Variants in ZNF57 observed in about 807,000 individuals in gnomAD.
ZNF57 encodes zinc finger protein 424.
Under a neutral mutation model 13.4 loss-of-function variants are expected in ZNF57, and 11 were observed. The observed-to-expected ratio is 0.82, with a 90% CI of 0.52 to 1.36. ZNF57 has a LOEUF of 1.36. ZNF57 is among the 40% of genes most tolerant of loss of function. The probability of loss-of-function intolerance (pLI) is 0.00; values close to 1 mark genes in which losing one functional copy is unlikely to be tolerated. For missense variants in ZNF57, 696 were observed against 667.5 expected (o/e 1.04, Z -0.47); for synonymous variants, 224 against 238.5 (o/e 0.94, Z 0.56).
At chr19:2,908,530 G>A (rs966707597) in intron 1 of ZNF57, among the ~76,000 whole-genome samples, 1 of 135,928 alleles carries the variant, frequency 7.4e-6, no homozygotes, top group Non-Finnish European at 1.5e-5. Context: ...GCGCGCACTC[G>A]AAGCTCCGCC....
intron 1 of ZNF57, among the ~76,000 whole-genome samples, chr19:2,901,319 A>AGGG (rs2088028012): frequency 2.7e-5 from 1 of 37,312 alleles, no homozygotes; most frequent in African/African-American, 1.2e-4. Flanking sequence ...GGGGGACGGT[A>AGGG]GGGGCGGTCA....
rs764992176 is a variant in ZNF57, at chr19:2,917,240, CA to C, written c.620del (p.His207LeufsTer9). 9 of 1,614,230 alleles carry C rather than the reference CA, an allele frequency of 5.6e-6. No individual in the cohort carries two copies. Among genetic ancestry groups the C allele is most frequent in the South Asian group, 3.3e-5 (3 of 91,086 alleles). On this transcript the variant is annotated frameshift_variant, in exon 4 of 4. Coordinates refer to ENST00000306908, the MANE Select transcript of ZNF57 (RefSeq NM_173480.3). LOFTEE classifies it low-confidence loss of function (END_TRUNC). ...KCQACGQTFQ[H>X]PRYLSHHVKT... The stretch of plus-strand genomic sequence containing the variant: ...TCAAGCATGTGGGCAAACTTTCCAA[CA>C]TCCTCGTTACCTCTCCCACCACGTA...
intron 1 of ZNF57, among the ~76,000 whole-genome samples, chr19:2,909,282 T>TTTTA (rs1568180645): frequency 2.3e-5 from 1 of 44,294 alleles, no homozygotes; most frequent in African/African-American, 7.0e-5. Flanking sequence ...TTTATTTTTG[T>TTTTA]TTTTTTTTTT....
intron 1 of ZNF57, among the ~76,000 whole-genome samples, chr19:2,905,761 T>A (rs1257482970): frequency 5.1e-5 from 3 of 58,970 alleles, no homozygotes; most frequent in African/African-American, 1.4e-4. Context: ...CAAGACTCTG[T>A]CTCAAAAAAA....
intron 1 of ZNF57, among the ~76,000 whole-genome samples, chr19:2,903,065 G>C (rs1178516254): frequency 1.3e-5 from 2 of 152,220 alleles, no homozygotes; most frequent in African/African-American, 4.8e-5. Context: ...TCGTAGAACA[G>C]CCGCAGCGGG....
In ZNF57 at chr19:2,911,995, T is replaced by C. The variant is rs534140711; in HGVS notation, c.4-3527T>C. On this transcript the variant is annotated intron_variant, in intron 1 of 3. Transcript: ENST00000306908. ...TCTTCAAGCTCTGTCTTTTGCCTTTTAGTATGCCTTGTCATTTCTTTCTGG... is the reference window on the plus strand; with the variant it reads ...TCTTCAAGCTCTGTCTTTTGCCTTTCAGTATGCCTTGTCATTTCTTTCTGG... The C allele has an allele frequency of 1.2e-4, 19 of 152,390 alleles. No individual in the cohort carries two copies. The East Asian group carries it at 3.5e-3, about 28-fold the overall frequency. The allele number at this position is 152,390 out of a possible 1,614,324, so 9.4% of individuals were successfully genotyped here. A position where few individuals can be genotyped will look rare whatever the true frequency, so the allele number is the denominator to read the frequency against.
intron 1 of ZNF57, among the ~76,000 whole-genome samples, chr19:2,909,145 G>T (rs991001356): frequency 1.3e-5 from 2 of 151,956 alleles, no homozygotes; most frequent in African/African-American, 4.8e-5. Flanking sequence ...GAATAGTGCT[G>T]CTGTGAACAT....
In ZNF57 at chr19:2,916,189, C is replaced by T. The variant is rs772993675; in HGVS notation, c.242C>T (p.Ala81Val). 6.2e-7 allele frequency: 1 copy of T among 1,613,772 alleles called. No homozygotes were observed. Among genetic ancestry groups the T allele is most frequent in the Non-Finnish European group, 8.5e-7 (1 of 1,179,916 alleles). ...IPNFTGNNSCAYTLEKNCEGY... is the reference protein window; with the variant it reads ...IPNFTGNNSCVYTLEKNCEGY... ...AACTTCACAGGAAATAATTCCTGTG[C>T]CTACACTTTAGAAAAAAATTGTGAA... Residue 81 changes from alanine (A) to valine (V), a missense_variant, in exon 3 of 4, where the codon GCC (alanine) becomes GTC (valine). Around this residue, in one of 3 missense-constraint regions of ZNF57, gnomAD observed 645 missense variants for 591.5 expected, o/e 1.09. Coordinates refer to ENST00000306908, the MANE Select transcript of ZNF57 (RefSeq NM_173480.3).
intron 3 of ZNF57, chr19:2,916,567 A>T: frequency 4.2e-6 from 1 of 239,270 alleles, no homozygotes; most frequent in East Asian, 9.1e-5. Context: ...CAAAAAAAAA[A>T]TAGCCGAGCG....
chr19:2,913,751 G>C (rs62125396), intron 1 of ZNF57, among the ~76,000 whole-genome samples: 6,959 of 151,598 alleles, frequency 0.046, 315 homozygotes, highest in African/African-American at 0.12. Flanking sequence ...AGCAGTTCTC[G>C]TGCCTCACCC....
intron 1 of ZNF57, among the ~76,000 whole-genome samples, chr19:2,902,676 T>C (rs1004682002): frequency 3.9e-5 from 6 of 152,196 alleles, no homozygotes; most frequent in African/African-American, 1.4e-4. Context: ...ATGAGATTAA[T>C]GCAAATTCTG....
rs776397346 is a variant in ZNF57 at position 2,917,137 on chromosome 19, A to T, written c.516A>T (p.Glu172Asp). 1.2e-6 allele frequency: 2 copies of T among 1,613,932 alleles called. No homozygotes were observed. ...HCGRKAPPGE[E>D]CKQACICPSH... ...GACGAAAAGCACCTCCAGGTGAGGA[A>T]TGTAAGCAGGCCTGCATTTGTCCCT... The change falls in exon 4 of 4, where the codon GAA becomes GAT. Residue 172 changes from glutamate to aspartate, a missense_variant. By Grantham distance (45) the Glu-to-Asp change is conservative. This residue lies in a region of ZNF57 where 645 missense variants were observed against 591.5 expected (regional missense o/e 1.09). Transcript: ENST00000306908.
At chr19:2,911,981 T>C (rs1475423754) in intron 1 of ZNF57, among the ~76,000 whole-genome samples, 3 of 152,266 alleles carry the variant, frequency 2.0e-5, no homozygotes, top group African/African-American at 7.2e-5. Context: ...CTTCAAGCTC[T>C]GTCTTTTGCC....
chr19:2,915,673 T>G (rs1187946425), intron 2 of ZNF57, 25 bp downstream of exon 2: 1 of 1,613,224 alleles, frequency 6.2e-7, no homozygotes, highest in African/African-American at 1.3e-5. Flanking sequence ...ATTCCTTCCC[T>G]TGGTTTTTAA....
In ZNF57 at chr19:2,917,428, A is replaced by G. The variant is rs2088215802; in HGVS notation, c.807A>G (p.Arg269=). 1.2e-6 allele frequency: 2 copies of G among 1,614,202 alleles called. No individual in the cohort carries two copies. Among genetic ancestry groups the G allele is most frequent in the East Asian group, 4.5e-5 (2 of 44,886 alleles). The part of the protein sequence containing the change: ...RAFIYPSTFQ[R]HMTTHTGEKP... ...TCATTTATCCCTCGACATTTCAAAGACACATGACAACACACACTGGAGAGA... is the reference window on the plus strand; with the variant it reads ...TCATTTATCCCTCGACATTTCAAAGGCACATGACAACACACACTGGAGAGA... Residue 269 remains arginine, a synonymous_variant, in exon 4 of 4, where the codon AGA becomes AGG. Coordinates refer to ENST00000306908, the MANE Select transcript of ZNF57 (RefSeq NM_173480.3).
chr19:2,910,752 G>A (rs1234865040), intron 1 of ZNF57, among the ~76,000 whole-genome samples: 5 of 113,824 alleles, frequency 4.4e-5, no homozygotes. Context: ...GAGCCAATGC[G>A]CCTGGCCTAA....
rs755375176 is a variant in ZNF57, at chr19:2,917,308, T to C, written c.687T>C (p.Cys229=). 5.6e-6 allele frequency: 9 copies of C among 1,613,944 alleles called. No individual in the cohort carries two copies. In the African/African-American group the frequency reaches 1.2e-4, roughly 22 times the overall value. The stretch of plus-strand genomic sequence containing the variant: ...AGAAAACCTACAAATGCGAGCAGTG[T>C]CGGATGGCGTTTAATGGGTTCGCAA... ...TAEKTYKCEQ[C]RMAFNGFASF... Residue 229 remains cysteine (C), a synonymous_variant, in exon 4 of 4, where the codon TGT becomes TGC. Coordinates refer to ENST00000306908, the MANE Select transcript of ZNF57 (RefSeq NM_173480.3).
intron 1 of ZNF57, among the ~76,000 whole-genome samples, chr19:2,903,349 T>TTA (rs971826453): frequency 6.6e-6 from 1 of 151,656 alleles, no homozygotes; most frequent in Non-Finnish European, 1.5e-5. Flanking sequence ...GTAGCTGGGA[T>TTA]TACAGGCACT....
intron 1 of ZNF57, among the ~76,000 whole-genome samples, chr19:2,913,116 G>A (rs2088155589): frequency 6.6e-6 from 1 of 152,168 alleles, no homozygotes; most frequent in South Asian, 2.1e-4. Flanking sequence ...ACCACGCCCA[G>A]CTAATTTTTG....
Sources: allele counts gnomAD v4.1 joint callset (sites outside exome capture counted in the v4.1 genomes callset), GRCh38; gene constraint gnomAD v4.1.1; regional missense constraint gnomAD v4.1.1; transcripts MANE v1.5; gene names NCBI Gene and HGNC (gene_info 2026-07-23, HGNC 2026-07-21).